The following EIPR1 variants were observed in gnomAD, a reference collection of about 807,000 sequenced individuals.
EIPR1 encodes EARP complex and GARP complex interacting protein 1.
A neutral mutation model predicts 48.1 loss-of-function variants in EIPR1; 25 were observed. The observed-to-expected ratio is 0.52, with a 90% CI of 0.38 to 0.73. The LOEUF is 0.73. Among genes scored for constraint, EIPR1 ranks in the 30% least tolerant of loss-of-function variants. EIPR1 has a pLI of 0.00. For synonymous variants in EIPR1, 204 were observed against 201.9 expected (o/e 1.01, Z -0.09); for missense variants, 415 against 506.2 (o/e 0.82, Z 1.73).
In EIPR1 at chr2:3,237,221, T is replaced by TACACACACACACACAC. The variant is rs35498711; in HGVS notation, c.416+20062_416+20077dup. Among the ~76,000 whole-genome samples the TACACACACACACACAC allele has an allele frequency of 2.6e-3, 334 of 127,824 alleles. 8 individuals carry two copies. Among genetic ancestry groups the TACACACACACACACAC allele is most frequent in the East Asian group, 8.8e-3 (32 of 3,644 alleles). 83.9% of individuals were successfully genotyped at this position (127,824 alleles called of 152,430 possible). A position where few individuals can be genotyped will look rare whatever the true frequency, so the allele number is the denominator to read the frequency against. ...CAGGATTAAGCTGTATTTTGAAAAC[T>TACACACACACACACAC]ACACACACACACACACACACACACA... is the stretch of plus-strand genomic sequence containing the variant. On this transcript the variant is annotated intron_variant, in intron 4 of 8. Coordinates refer to ENST00000382125, the MANE Select transcript of EIPR1 (RefSeq NM_003310.5).
intron 1 of EIPR1, among the ~76,000 whole-genome samples, chr2:3,375,409 A>T (rs904487309): frequency 1.3e-5 from 2 of 152,200 alleles, no homozygotes; most frequent in African/African-American, 4.8e-5. Context: ...GAGAGAAAAA[A>T]AAGAAAATAA....
At chr2:3,314,571 G>C (rs1284471963) in intron 3 of EIPR1, among the ~76,000 whole-genome samples, 1 of 151,994 alleles carries the variant, frequency 6.6e-6, no homozygotes, top group Non-Finnish European at 1.5e-5. Flanking sequence ...TTCTGTGACA[G>C]GCAGAAGAGG....
At chr2:3,237,470 T>C (rs768607055) in intron 4 of EIPR1, among the ~76,000 whole-genome samples, 1 of 152,190 alleles carries the variant, frequency 6.6e-6, no homozygotes, top group Admixed American at 6.5e-5. Context: ...ATTGAGCTCT[T>C]ACTGCATCTA....
intron 4 of EIPR1, among the ~76,000 whole-genome samples, chr2:3,254,698 C>T (rs1012566000): frequency 6.6e-6 from 1 of 152,190 alleles, no homozygotes; most frequent in African/African-American, 2.4e-5. Context: ...GGGGCTAAGG[C>T]CTTGGAGGCG....
intron 8 of EIPR1, 23 bp downstream of exon 8, chr2:3,192,391 C>T: frequency 6.3e-7 from 1 of 1,575,960 alleles, no homozygotes; most frequent in East Asian, 2.3e-5. Context: ...CAGCGTGAGC[C>T]ACTCTGCAGT....
intron 3 of EIPR1, among the ~76,000 whole-genome samples, chr2:3,274,929 T>C (rs919182355): frequency 6.6e-6 from 1 of 151,836 alleles, no homozygotes; most frequent in Non-Finnish European, 1.5e-5. Flanking sequence ...TCTAAAATAA[T>C]ACAGTAAGAG....
Position 3,237,042 on chromosome 2 carries a change from G to A in EIPR1, c.416+20257C>T, listed in dbSNP as rs147522396. On this transcript the variant is annotated intron_variant, in intron 4 of 8. Coordinates refer to ENST00000382125, the MANE Select transcript of EIPR1 (RefSeq NM_003310.5). ...ATTTCCTACGGTGGCTGCAGCAGCCGCCACAGCTCCTCACAAGGCACACAA... is the reference window on the plus strand; with the variant it reads ...ATTTCCTACGGTGGCTGCAGCAGCCACCACAGCTCCTCACAAGGCACACAA... Among the ~76,000 whole-genome samples the A allele has an allele frequency of 6.0e-3, 913 of 152,126 alleles. 6 individuals carry two copies. The highest frequency in any genetic ancestry group is 0.031 in the Middle Eastern group (9 of 294).
intron 3 of EIPR1, among the ~76,000 whole-genome samples, chr2:3,271,397 C>G (rs1667698073): frequency 6.6e-6 from 1 of 152,212 alleles, no homozygotes; most frequent in Non-Finnish European, 1.5e-5. Flanking sequence ...GAATCACTAT[C>G]AGTGGCAACG....
chr2:3,210,393 C>G (rs1665403975), intron 5 of EIPR1, among the ~76,000 whole-genome samples: 1 of 152,142 alleles, frequency 6.6e-6, no homozygotes, highest in African/African-American at 2.4e-5. Context: ...CACCAGGCTG[C>G]AGAGAGGCTG....
At chr2:3,339,726 A>G (rs1670174566) in intron 2 of EIPR1, among the ~76,000 whole-genome samples, 1 of 152,194 alleles carries the variant, frequency 6.6e-6, no homozygotes, top group South Asian at 2.1e-4. Context: ...AGGCGGGCGG[A>G]TCACCTGAGG....
In EIPR1 at chr2:3,310,435, C is replaced by T. The variant is rs1363833675; in HGVS notation, c.259+27582G>A. Among the ~76,000 whole-genome samples, 139 of 146,784 alleles carry T rather than the reference C, an allele frequency of 9.5e-4. 1 individual carries two copies. The highest frequency in any genetic ancestry group is 3.5e-3 in the Middle Eastern group (1 of 288). On this transcript the variant is annotated intron_variant, in intron 3 of 8. Coordinates refer to ENST00000382125, the MANE Select transcript of EIPR1 (RefSeq NM_003310.5). The stretch of plus-strand genomic sequence containing the variant: ...TTGGGAGGCCGAGGTGGGCGGATCA[C>T]AAGGTCAGGAGACTGAGACCATCCT...
chr2:3,255,702 C>T (rs1438736028), intron 4 of EIPR1, among the ~76,000 whole-genome samples: 1 of 152,208 alleles, frequency 6.6e-6, no homozygotes, highest in Non-Finnish European at 1.5e-5. Flanking sequence ...GCAGGACTGC[C>T]ATCCGCTACA....
chr2:3,250,957 A>C (rs1404311895), intron 4 of EIPR1, among the ~76,000 whole-genome samples: 1 of 152,096 alleles, frequency 6.6e-6, no homozygotes, highest in Non-Finnish European at 1.5e-5. Flanking sequence ...TTTTTTAATA[A>C]ATTATCCAGT....
rs1668782537 is a variant in EIPR1, at chr2:3,302,189, T to G, written c.259+35828A>C. 1.3e-5 allele frequency among the ~76,000 whole-genome samples: 2 copies of G among 152,170 alleles called. 1 individual carries two copies. The highest frequency in any genetic ancestry group is 4.8e-5 in the African/African-American group (2 of 41,436). On this transcript the variant is annotated intron_variant, in intron 3 of 8. Transcript: ENST00000382125. ...CGGCATACAGCAAAAAGAAAACCCC[T>G]GATTTCCTAAACTCAATCAGCTTTG...
intron 3 of EIPR1, among the ~76,000 whole-genome samples, chr2:3,323,305 C>T (rs1029315351): frequency 6.6e-6 from 1 of 152,174 alleles, no homozygotes; most frequent in African/African-American, 2.4e-5. Flanking sequence ...CTGGCAGGGA[C>T]ACCAAAGGTG....
chr2:3,251,829 A>C (rs1250016457), intron 4 of EIPR1, among the ~76,000 whole-genome samples: 3 of 152,184 alleles, frequency 2.0e-5, no homozygotes, highest in African/African-American at 7.2e-5. Flanking sequence ...AACAGAGACA[A>C]TTTCATAATC....
chr2:3,317,407 C>T (rs559822497), intron 3 of EIPR1, among the ~76,000 whole-genome samples: 2 of 134,470 alleles, frequency 1.5e-5, no homozygotes, highest in South Asian at 2.5e-4. Context: ...CTGTGTGCCT[C>T]GCACGCAGGG....
intron 3 of EIPR1, among the ~76,000 whole-genome samples, chr2:3,269,631 AATC>A (rs987191060): frequency 7.4e-5 from 9 of 122,338 alleles, no homozygotes; most frequent in Admixed American, 8.2e-5. Flanking sequence ...CATCGCACTC[AATC>A]ATCACACTCA....
intron 1 of EIPR1, among the ~76,000 whole-genome samples, chr2:3,359,463 A>G (rs1670804351): frequency 6.6e-6 from 1 of 152,206 alleles, no homozygotes; most frequent in African/African-American, 2.4e-5. Flanking sequence ...CAGAGTGAAG[A>G]GGTTGCAGTT....
Sources: gnomAD v4.1 joint callset for allele counts (sites outside exome capture counted in the v4.1 genomes callset) on GRCh38, gnomAD v4.1.1 for gene constraint, MANE v1.5 for transcripts, NCBI Gene and HGNC (gene_info 2026-07-23, HGNC 2026-07-21) for gene names.